Variants in PDE1C observed in about 807,000 individuals in gnomAD.
PDE1C encodes phosphodiesterase 1C.
In PDE1C, 62 loss-of-function variants were observed where a neutral mutation model predicts 93.1. The observed-to-expected ratio is 0.67, with a 90% CI of 0.54 to 0.82. PDE1C has a LOEUF of 0.82. Ranked by LOEUF, PDE1C falls within the 40% of genes least tolerant of loss-of-function variation. The pLI, the probability that PDE1C is intolerant of heterozygous loss-of-function variation, is 0.00. For synonymous variants in PDE1C, 325 were observed against 310.1 expected (o/e 1.05, Z -0.50); for missense variants, 742 against 884.6 (o/e 0.84, Z 2.04).
intron 1 of PDE1C, among the ~76,000 whole-genome samples, chr7:32,297,649 G>C (rs967986464): frequency 3.3e-5 from 5 of 152,150 alleles, no homozygotes; most frequent in African/African-American, 1.2e-4. Context: ...TGGTCCTGCT[G>C]CTCCCTGAAG....
the PDE1C span, among the ~76,000 whole-genome samples, chr7:31,641,069 C>A: frequency 6.6e-6 from 1 of 152,130 alleles, no homozygotes; most frequent in Non-Finnish European, 1.5e-5. Flanking sequence ...GCTGTCTTTG[C>A]TCAGACACAT....
chr7:31,806,227 T>A (rs1282131859), intron 16 of PDE1C, among the ~76,000 whole-genome samples: 1 of 151,934 alleles, frequency 6.6e-6, no homozygotes, highest in African/African-American at 2.4e-5. Flanking sequence ...AAGATGGCTA[T>A]CTCTTATTTC....
the PDE1C span, among the ~76,000 whole-genome samples, chr7:31,702,501 A>T: frequency 1.3e-5 from 2 of 152,204 alleles, no homozygotes; most frequent in Non-Finnish European, 2.9e-5. Flanking sequence ...ACCTTTCAGT[A>T]GTCAGCCAGC....
At chr7:31,691,790 T>C in the PDE1C span, among the ~76,000 whole-genome samples, 681 of 97,772 alleles carry the variant, frequency 7.0e-3, 7 homozygotes, top group African/African-American at 0.023. Context: ...TTGTAGAATG[T>C]AATGATTAAA....
chr7:31,629,989 AAC>A, the PDE1C span, among the ~76,000 whole-genome samples: 13 of 152,054 alleles, frequency 8.5e-5, no homozygotes, highest in African/African-American at 2.7e-4. Flanking sequence ...AAAGAGAAGA[AAC>A]ACACACACAC....
chr7:31,860,650 G>C (rs1056431329), intron 7 of PDE1C, among the ~76,000 whole-genome samples: 1 of 152,008 alleles, frequency 6.6e-6, no homozygotes, highest in African/African-American at 2.4e-5. Flanking sequence ...TTCTCCAAAT[G>C]CTTACTTCAT....
chr7:31,829,237 T>C (rs557931976), intron 11 of PDE1C, among the ~76,000 whole-genome samples: 3 of 152,280 alleles, frequency 2.0e-5, no homozygotes, highest in African/African-American at 7.2e-5. Context: ...GTTATTTTCC[T>C]TCCATACATT....
chr7:31,661,990 A>C, the PDE1C span, among the ~76,000 whole-genome samples: 2 of 152,086 alleles, frequency 1.3e-5, no homozygotes, highest in East Asian at 3.9e-4. Context: ...TCCATTTCAA[A>C]TGGTTATGGT....
At chr7:31,923,277 C>T (rs1443903609) in intron 2 of PDE1C, among the ~76,000 whole-genome samples, 3 of 152,136 alleles carry the variant, frequency 2.0e-5, no homozygotes, top group Non-Finnish European at 4.4e-5. Context: ...GATTTTCAAC[C>T]CCAGCTGCAT....
intron 1 of PDE1C, among the ~76,000 whole-genome samples, chr7:32,308,194 G>A (rs548794360): frequency 6.6e-6 from 1 of 152,380 alleles, no homozygotes; most frequent in Admixed American, 6.5e-5. Context: ...AGGGGCGCCT[G>A]CCATTGCCCA....
chr7:31,933,183 G>A (rs1274608164), intron 2 of PDE1C, among the ~76,000 whole-genome samples: 4 of 151,950 alleles, frequency 2.6e-5, no homozygotes, highest in African/African-American at 7.3e-5. Context: ...GTATACCTAT[G>A]TAACAAACCT....
At chr7:32,244,438 C>T (rs1808769553) in intron 1 of PDE1C, among the ~76,000 whole-genome samples, 2 of 152,216 alleles carry the variant, frequency 1.3e-5, no homozygotes, top group South Asian at 4.1e-4. Context: ...GCCAGTCCTG[C>T]ACTGAAGCAG....
At chr7:31,777,253 G>T (rs1783059178) in intron 16 of PDE1C, among the ~76,000 whole-genome samples, 1 of 152,044 alleles carries the variant, frequency 6.6e-6, no homozygotes, top group African/African-American at 2.4e-5. Flanking sequence ...AGAGCGGTAA[G>T]CTTTCCCTAC....
intron 3 of PDE1C, among the ~76,000 whole-genome samples, chr7:32,098,669 T>C (rs1009411675): frequency 3.3e-5 from 5 of 152,210 alleles, no homozygotes; most frequent in African/African-American, 1.2e-4. Context: ...AACAAAGTTT[T>C]TGTTTTGTTG....
intron 1 of PDE1C, among the ~76,000 whole-genome samples, chr7:32,052,836 G>A (rs1222066972): frequency 6.6e-6 from 1 of 152,168 alleles, no homozygotes; most frequent in Non-Finnish European, 1.5e-5. Flanking sequence ...CCTGAAAGGA[G>A]ACACACCAGA....
chr7:32,213,357 T>G, intron 1 of PDE1C, among the ~76,000 whole-genome samples: 1 of 152,152 alleles, frequency 6.6e-6, no homozygotes, highest in South Asian at 2.1e-4. Context: ...CTCTGCCTCC[T>G]GGATATTCAG....
chr7:32,394,130 A>G (rs2128093672), intron 1 of PDE1C, among the ~76,000 whole-genome samples: 1 of 152,242 alleles, frequency 6.6e-6, no homozygotes, highest in East Asian at 1.9e-4. Flanking sequence ...ATCTGCCTCT[A>G]CATAGAGACC....
the PDE1C span, among the ~76,000 whole-genome samples, chr7:31,640,882 A>G: frequency 6.6e-6 from 1 of 152,206 alleles, no homozygotes; most frequent in Non-Finnish European, 1.5e-5. Flanking sequence ...GAGCTATTTT[A>G]AAATGTATGC....
At chr7:32,364,822 G>A (rs1397309217) in intron 1 of PDE1C, among the ~76,000 whole-genome samples, 1 of 152,186 alleles carries the variant, frequency 6.6e-6, no homozygotes, top group African/African-American at 2.4e-5. Flanking sequence ...TCCCACACTG[G>A]TAGCTGAATA....
Sources: allele counts gnomAD v4.1 joint callset (sites outside exome capture counted in the v4.1 genomes callset), GRCh38; gene constraint gnomAD v4.1.1; transcripts MANE v1.5; gene names NCBI Gene and HGNC (gene_info 2026-07-23, HGNC 2026-07-21).